The following NCOA3 variants were observed in gnomAD, a reference collection of about 807,000 sequenced individuals.
NCOA3 encodes the protein nuclear receptor coactivator 3, also known as CBP-interacting protein.
NCOA3 carries 51 observed loss-of-function variants against 158.8 expected under a neutral mutation model. The ratio of observed to expected loss-of-function variants is 0.32; its 90% CI spans 0.26 to 0.41. The LOEUF (loss-of-function observed/expected upper bound fraction) is 0.41, where lower values mean the gene tolerates loss of function less well. NCOA3 is among the 10% of genes least tolerant of loss of function. The probability of loss-of-function intolerance (pLI) is 1.00; values close to 1 mark genes in which losing one functional copy is unlikely to be tolerated. For synonymous variants in NCOA3, 537 were observed against 592.4 expected (o/e 0.91, Z 1.36); for missense variants, 1,510 against 1,746.6 (o/e 0.86, Z 2.41).
intron 2 of NCOA3, among the ~76,000 whole-genome samples, chr20:47,585,953 G>A (rs1278973032): frequency 6.8e-6 from 1 of 146,546 alleles, no homozygotes; most frequent in Non-Finnish European, 1.5e-5. Flanking sequence ...TTGAGACAGA[G>A]TTTGTTACCC....
In NCOA3 at chr20:47,502,376, C is replaced by T. The variant is rs72661171; in HGVS notation, c.-99+357C>T. On this transcript the variant is annotated intron_variant, in intron 1 of 22. Transcript: ENST00000371998. ...AAAGTTTTTTCTTCCTCTTGCCTCC[C>T]CCAGCCCTTTTGAAAGCTCCCCGCG... 4.9e-4 allele frequency among the ~76,000 whole-genome samples: 75 copies of T among 152,226 alleles called. 1 individual carries two copies. The East Asian group carries it at 0.013, about 27-fold the overall frequency.
At chr20:47,633,809 T>C (rs2086461475) in intron 9 of NCOA3, among the ~76,000 whole-genome samples, 173 bp downstream of exon 9, 1 of 152,250 alleles carries the variant, frequency 6.6e-6, no homozygotes, top group South Asian at 2.1e-4. Context: ...TGGTTGATTC[T>C]TGATCTTGTT....
intron 2 of NCOA3, among the ~76,000 whole-genome samples, chr20:47,605,180 T>G (rs1336932995): frequency 6.6e-6 from 1 of 152,266 alleles, no homozygotes; most frequent in African/African-American, 2.4e-5. Flanking sequence ...AGTTCACTTT[T>G]TAAATACACT....
chr20:47,502,455 A>G (rs1216412526), intron 1 of NCOA3, among the ~76,000 whole-genome samples: 4 of 152,266 alleles, frequency 2.6e-5, no homozygotes, highest in Middle Eastern at 3.4e-3. Flanking sequence ...ACGGGAGGGA[A>G]AAGCCGCGGG....
chr20:47,535,512 T>C (rs2084617770), intron 1 of NCOA3, among the ~76,000 whole-genome samples: 1 of 151,574 alleles, frequency 6.6e-6, no homozygotes, highest in Non-Finnish European at 1.5e-5. Context: ...CAAGGTTTTT[T>C]TGCTTTTTTT....
Position 47,639,119 on chromosome 20 carries a change from C to G in NCOA3, c.2624C>G (p.Ala875Gly). ...GSSPPVKNIS[A>G]FPMLPKQPML... ...AGTCCTCCAGTAAAAAATATCAGTG[C>G]TTTCCCCATGTTACCAAAGCAACCC... Residue 875 changes from alanine to glycine, a missense_variant, in exon 14 of 23, where the codon GCT (alanine) becomes GGT (glycine). Ala to Gly is a moderately conservative substitution (Grantham distance 60, BLOSUM62 0). Transcript: ENST00000371998. 1 of 1,614,158 alleles carries G rather than the reference C, an allele frequency of 6.2e-7. No individual in the cohort carries two copies. Among genetic ancestry groups the G allele is most frequent in the Non-Finnish European group, 8.5e-7 (1 of 1,180,018 alleles).
rs71183270 is a variant in NCOA3 at position 47,641,490 on chromosome 20, C to CTTTTTTTTTTTTTT, written c.3081-708_3081-695dup. On this transcript the variant is annotated intron_variant, in intron 16 of 22. Transcript: ENST00000371998. ...GTCAGCCACCACGCCTGGCTCCCTT[C>CTTTTTTTTTTTTTT]TTTTTTTTTTTTTTTTTTTTTTTTT... Among the ~76,000 whole-genome samples, 20 of 48,366 alleles carry CTTTTTTTTTTTTTT rather than the reference C, an allele frequency of 4.1e-4. 1 individual carries two copies. Among genetic ancestry groups the CTTTTTTTTTTTTTT allele is most frequent in the African/African-American group, 1.7e-3 (14 of 8,404 alleles). The allele number at this position is 48,366 out of a possible 152,430, so 31.7% of individuals were successfully genotyped here. A position where few individuals can be genotyped will look rare whatever the true frequency, so the allele number is the denominator to read the frequency against.
chr20:47,543,513 T>G (rs78023527), intron 1 of NCOA3, among the ~76,000 whole-genome samples: 1 of 148,924 alleles, frequency 6.7e-6, no homozygotes. Flanking sequence ...TTCTTCTTCT[T>G]TTTTTTTTTT....
rs1214574157 is a variant in NCOA3 at position 47,656,090 on chromosome 20, T to C, written c.*2673T>C. On this transcript the variant is annotated 3_prime_UTR_variant, in exon 23 of 23. Coordinates refer to ENST00000371998, the MANE Select transcript of NCOA3 (RefSeq NM_181659.3). ...TTGGGTGAACAGTATAATCTTTTCA[T>C]CTGCTTTTAGAATGTGGGATATTTC... The C allele has an allele frequency of 1.1e-4, 17 of 150,884 alleles. No individual in the cohort carries two copies. The highest frequency in any genetic ancestry group is 1.1e-3 in the Admixed American group (17 of 15,148). The allele number at this position is 150,884 out of a possible 1,614,324, so 9.3% of individuals were successfully genotyped here. A position where few individuals can be genotyped will look rare whatever the true frequency, so the allele number is the denominator to read the frequency against.
chr20:47,517,744 C>T (rs2084259578), intron 1 of NCOA3, among the ~76,000 whole-genome samples: 1 of 152,098 alleles, frequency 6.6e-6, no homozygotes. Context: ...AGCCACCACG[C>T]CTGGCCAATT....
At chr20:47,600,925 T>C (rs1241816673) in intron 2 of NCOA3, among the ~76,000 whole-genome samples, 1 of 152,154 alleles carries the variant, frequency 6.6e-6, no homozygotes, top group Non-Finnish European at 1.5e-5. Flanking sequence ...GGTCACATAC[T>C]ATACAGGGGA....
intron 18 of NCOA3, among the ~76,000 whole-genome samples, chr20:47,647,626 T>C (rs111908754): frequency 1.5e-4 from 23 of 152,284 alleles, no homozygotes; most frequent in Middle Eastern, 3.4e-3. Flanking sequence ...CTTGATGACT[T>C]TGTAGTCTTA....
At chr20:47,518,843 C>A (rs533842952) in intron 1 of NCOA3, among the ~76,000 whole-genome samples, 1 of 152,176 alleles carries the variant, frequency 6.6e-6, no homozygotes, top group Admixed American at 6.5e-5. Flanking sequence ...AATTAAGATT[C>A]ATCTAAGAAA....
intron 1 of NCOA3, among the ~76,000 whole-genome samples, chr20:47,525,949 C>G (rs1378740234): frequency 1.3e-5 from 2 of 151,284 alleles, no homozygotes; most frequent in African/African-American, 2.4e-5. Context: ...CTGACCCCCC[C>G]ACCTCCCTCC....
chr20:47,634,301 A>G, intron 10 of NCOA3, 106 bp downstream of exon 10: 1 of 1,137,768 alleles, frequency 8.8e-7, no homozygotes, highest in Middle Eastern at 2.1e-4. Context: ...AAAATTTAGG[A>G]AGGTTATTGG....
intron 8 of NCOA3, among the ~76,000 whole-genome samples, chr20:47,630,102 A>T (rs1034626647): frequency 6.6e-6 from 1 of 152,152 alleles, no homozygotes; most frequent in Non-Finnish European, 1.5e-5. Context: ...TGTATTTGTC[A>T]TGTGGCCCAG....
chr20:47,611,332 CT>C (rs1310129326), intron 2 of NCOA3, among the ~76,000 whole-genome samples: 1 of 152,116 alleles, frequency 6.6e-6, no homozygotes. Flanking sequence ...GGCTAAAACC[CT>C]TGGTTTTTAT....
At chr20:47,639,490 ATGT>A in intron 14 of NCOA3, 84 bp from the exon 15 acceptor site, 1 of 1,516,880 alleles carries the variant, frequency 6.6e-7, no homozygotes, top group African/African-American at 1.4e-5. Flanking sequence ...GTCAAGGTTG[ATGT>A]TGTGTATAAT....
intron 1 of NCOA3, among the ~76,000 whole-genome samples, chr20:47,533,492 T>C (rs1380929927): frequency 6.6e-6 from 1 of 152,080 alleles, no homozygotes; most frequent in Non-Finnish European, 1.5e-5. Context: ...CTTTCCAGTC[T>C]TTTTTTCTTT....
Sources: gnomAD v4.1 joint callset for allele counts (sites outside exome capture counted in the v4.1 genomes callset) on GRCh38, gnomAD v4.1.1 for gene constraint, MANE v1.5 for transcripts, NCBI Gene and HGNC (gene_info 2026-07-23, HGNC 2026-07-21) for gene names.